Variants in GRID1 observed in about 807,000 individuals in gnomAD.
GRID1 encodes the protein glutamate receptor ionotropic, delta-1.
GRID1 carries 28 observed loss-of-function variants against 98.0 expected under a neutral mutation model. The observed-to-expected ratio is 0.29, with a 90% CI of 0.21 to 0.39. The LOEUF (loss-of-function observed/expected upper bound fraction) is 0.39, where lower values mean the gene tolerates loss of function less well. GRID1 is among the 10% of genes least tolerant of loss of function. The pLI, the probability that GRID1 is intolerant of heterozygous loss-of-function variation, is 1.00. For synonymous variants in GRID1, 553 were observed against 538.5 expected (o/e 1.03, Z -0.37); for missense variants, 1,111 against 1,340.5 (o/e 0.83, Z 2.67).
intron 12 of GRID1, among the ~76,000 whole-genome samples, chr10:85,707,406 C>T (rs1004394881): frequency 6.6e-6 from 1 of 152,168 alleles, no homozygotes; most frequent in African/African-American, 2.4e-5. Flanking sequence ...ATCAAAACCA[C>T]AATGAGATAC....
At chr10:86,021,011 C>A (rs1180066977) in intron 4 of GRID1, among the ~76,000 whole-genome samples, 2 of 151,236 alleles carry the variant, frequency 1.3e-5, no homozygotes, top group African/African-American at 4.9e-5. Context: ...GCGTTTTTGT[C>A]TTTTCTGATT....
At chr10:85,783,076 G>C (rs1188078166) in intron 8 of GRID1, among the ~76,000 whole-genome samples, 5 of 152,188 alleles carry the variant, frequency 3.3e-5, no homozygotes, top group Non-Finnish European at 7.3e-5. Context: ...ACAGGGAAAT[G>C]CTATTCATCA....
At chr10:86,229,569 TG>T (rs1846415425) in intron 2 of GRID1, among the ~76,000 whole-genome samples, 1 of 152,158 alleles carries the variant, frequency 6.6e-6, no homozygotes, top group East Asian at 1.9e-4. Context: ...TCTCATGATC[TG>T]GGGGTGGCAG....
chr10:85,815,291 T>C (rs1204169231), intron 8 of GRID1, among the ~76,000 whole-genome samples: 5 of 152,020 alleles, frequency 3.3e-5, no homozygotes, highest in Non-Finnish European at 5.9e-5. Context: ...TAATATCTCA[T>C]TTAATGAAAG....
intron 2 of GRID1, among the ~76,000 whole-genome samples, chr10:86,212,880 A>G (rs1484137734): frequency 1.3e-5 from 2 of 152,176 alleles, no homozygotes; most frequent in Admixed American, 6.5e-5. Context: ...AAGACATTTA[A>G]AAGGTAACCA....
In GRID1 at chr10:85,794,895, C is replaced by A. The variant is rs1446813943; in HGVS notation, c.1233+59601G>T. Among the ~76,000 whole-genome samples the A allele has an allele frequency of 6.6e-5, 10 of 152,296 alleles. No individual in the cohort carries two copies. In the East Asian group the frequency reaches 1.5e-3, roughly 24 times the overall value. ...TGCTTTTCCTGCCTGAAAGACACAGCAAATTCAAGGTGGATTACTTACCAA... is the reference window on the plus strand; with the variant it reads ...TGCTTTTCCTGCCTGAAAGACACAGAAAATTCAAGGTGGATTACTTACCAA... On this transcript the variant is annotated intron_variant, in intron 8 of 15. Coordinates refer to ENST00000327946, the MANE Select transcript of GRID1 (RefSeq NM_017551.3).
At chr10:86,361,699 A>C (rs1848602871) in intron 2 of GRID1, among the ~76,000 whole-genome samples, 2 of 152,210 alleles carry the variant, frequency 1.3e-5, no homozygotes, top group South Asian at 4.1e-4. Context: ...TTATTTTATT[A>C]GTTGGCAATA....
chr10:86,298,470 C>T (rs372368221), intron 2 of GRID1, among the ~76,000 whole-genome samples: 61 of 152,050 alleles, frequency 4.0e-4, no homozygotes, highest in African/African-American at 9.2e-4. Flanking sequence ...CCTCACCTGA[C>T]GTTCACTCCC....
intron 8 of GRID1, among the ~76,000 whole-genome samples, chr10:85,821,539 A>AAAC (rs1842772108): frequency 1.0e-5 from 1 of 97,594 alleles, no homozygotes; most frequent in African/African-American, 3.9e-5. Context: ...AAAAAAAAAA[A>AAAC]AAAAAAGAAA....
chr10:86,328,035 C>T (rs1012444918), intron 2 of GRID1, among the ~76,000 whole-genome samples: 3 of 152,110 alleles, frequency 2.0e-5, no homozygotes, highest in African/African-American at 7.2e-5. Flanking sequence ...AATATGTATT[C>T]ACAGTTTCAT....
intron 4 of GRID1, among the ~76,000 whole-genome samples, chr10:86,070,407 G>T (rs554163894): frequency 6.6e-6 from 1 of 152,144 alleles, no homozygotes; most frequent in Non-Finnish European, 1.5e-5. Context: ...CCTTCCATAG[G>T]GAGGCTATTT....
At chr10:86,356,010 C>T (rs1051161465) in intron 2 of GRID1, among the ~76,000 whole-genome samples, 3 of 152,218 alleles carry the variant, frequency 2.0e-5, no homozygotes, top group Admixed American at 1.3e-4. Flanking sequence ...CTGGTCCTGT[C>T]GGTGGCTGGG....
chr10:86,364,137 C>T, intron 1 of GRID1, 41 bp from the exon 2 acceptor site: 1 of 1,579,682 alleles, frequency 6.3e-7, no homozygotes, highest in Non-Finnish European at 8.7e-7. Flanking sequence ...TGGACAAGAA[C>T]CCTCTCCCCG....
rs146517205 is a variant in GRID1 at position 85,886,812 on chromosome 10, T to A, written c.781-17632A>T. 1.3e-3 allele frequency among the ~76,000 whole-genome samples: 205 copies of A among 152,342 alleles called. 6 individuals are homozygous for A. In the East Asian group the frequency reaches 0.038, roughly 28 times the overall value. On this transcript the variant is annotated intron_variant, in intron 5 of 15. Coordinates refer to ENST00000327946, the MANE Select transcript of GRID1 (RefSeq NM_017551.3). The stretch of plus-strand genomic sequence containing the variant: ...TGCACAGATAAGTTTTTGTCTGATC[T>A]GCAAAACTTCAGTAAAATTTTGGAA...
intron 2 of GRID1, among the ~76,000 whole-genome samples, chr10:86,319,822 C>T (rs190046046): frequency 1.7e-3 from 266 of 152,304 alleles, no homozygotes; most frequent in African/African-American, 5.8e-3. Context: ...CTCCTCCTCT[C>T]CTCCTTCTAC....
intron 3 of GRID1, among the ~76,000 whole-genome samples, chr10:86,201,121 G>C (rs188957717): frequency 6.6e-6 from 1 of 152,290 alleles, no homozygotes; most frequent in Non-Finnish European, 1.5e-5. Flanking sequence ...ATATGAGAAT[G>C]TTCCTATCAG....
At position 86,366,216 on chromosome 10, in the gene GRID1, GC is replaced by G; in HGVS notation, c.79+97del. The stretch of plus-strand genomic sequence containing the variant: ...CCTTCGGGGGAGCACCGCCCGCCGA[GC>G]CCCTCGGCCCAGGGAAACGCCAAGT... On this transcript the variant is annotated intron_variant, in intron 1 of 15. Coordinates refer to ENST00000327946, the MANE Select transcript of GRID1 (RefSeq NM_017551.3). This position sits in a 1 kb window ranked among gnomAD's most constrained non-coding sequence, Gnocchi z 4.1. The G allele has an allele frequency of 1.3e-6, 1 of 747,030 alleles. No homozygotes were observed. The highest frequency in any genetic ancestry group is 1.9e-6 in the Non-Finnish European group (1 of 516,460). 46.3% of individuals were successfully genotyped at this position (747,030 alleles called of 1,614,324 possible). A position where few individuals can be genotyped will look rare whatever the true frequency, so the allele number is the denominator to read the frequency against.
chr10:85,646,008 C>T (rs545046340), intron 13 of GRID1: 1 of 152,712 alleles, frequency 6.5e-6, no homozygotes, highest in South Asian at 2.1e-4. Context: ...GGGCGGTGGG[C>T]TTTACTGGCC....
At chr10:86,128,807 G>A (rs910209824) in intron 4 of GRID1, among the ~76,000 whole-genome samples, 5 of 152,048 alleles carry the variant, frequency 3.3e-5, no homozygotes, top group African/African-American at 1.2e-4. Context: ...CATTTTCTGA[G>A]ACTCATCGAT....
Sources: gnomAD v4.1 joint callset for allele counts (sites outside exome capture counted in the v4.1 genomes callset) on GRCh38, gnomAD v4.1.1 for gene constraint, Gnocchi (gnomAD v3.1) non-coding constraint, MANE v1.5 for transcripts, NCBI Gene and HGNC (gene_info 2026-07-23, HGNC 2026-07-21) for gene names.